RFX3: variants seen among roughly 807,000 people sequenced by gnomAD.
RFX3 encodes the protein regulatory factor X3.
In RFX3, 14 loss-of-function variants were observed where a neutral mutation model predicts 98.6. That is an observed-to-expected ratio of 0.14 (90% CI 0.09 to 0.22). The LOEUF (loss-of-function observed/expected upper bound fraction) is 0.22. Ranked by LOEUF, RFX3 falls within the 10% of genes least tolerant of loss-of-function variation. The pLI is 1.00. For missense variants in RFX3, 639 were observed against 926.9 expected, an observed-to-expected ratio of 0.69 and a Z score of 4.03; for synonymous variants, 383 against 328.4, an observed-to-expected ratio of 1.17 and a Z score of -1.80.
intron 14 of RFX3, among the ~76,000 whole-genome samples, chr9:3,255,465 T>G (rs781730411): frequency 7.2e-5 from 11 of 152,246 alleles, no homozygotes; most frequent in Non-Finnish European, 1.6e-4. Context: ...CACCACTTTC[T>G]GATATGTGCA....
At chr9:3,458,561 TA>T (rs370150734) in intron 1 of RFX3, among the ~76,000 whole-genome samples, 175 of 152,232 alleles carry the variant, frequency 1.1e-3, no homozygotes, top group African/African-American at 3.9e-3. Flanking sequence ...TTAAAGCAGA[TA>T]ATACACCTGT....
At chr9:3,498,774 C>CA (rs1485196030) in intron 1 of RFX3, among the ~76,000 whole-genome samples, 1 of 152,038 alleles carries the variant, frequency 6.6e-6, no homozygotes, top group African/African-American at 2.4e-5. Context: ...AAAACCATGA[C>CA]AACTGTTTGT....
chr9:3,515,106 T>C (rs1347656958), intron 1 of RFX3, among the ~76,000 whole-genome samples: 1 of 152,162 alleles, frequency 6.6e-6, no homozygotes, highest in African/African-American at 2.4e-5. Context: ...CAAAAACATA[T>C]ATCCACAAAA....
intron 1 of RFX3, among the ~76,000 whole-genome samples, chr9:3,467,121 T>TATATGTAAGTATATATGTATATACATA (rs1848331189): frequency 7.6e-6 from 1 of 130,744 alleles, no homozygotes; most frequent in African/African-American, 3.5e-5. Flanking sequence ...TATACATACA[T>TATATGTAAGTATATATGTATATACATA]ATATGTAAGT....
chr9:3,418,131 G>A (rs1736033668), intron 1 of RFX3, among the ~76,000 whole-genome samples: 1 of 152,124 alleles, frequency 6.6e-6, no homozygotes, highest in African/African-American at 2.4e-5. Flanking sequence ...TCATAATCTA[G>A]CTTTACCACA....
At chr9:3,360,010 G>T (rs1195790931) in intron 2 of RFX3, among the ~76,000 whole-genome samples, 1 of 151,980 alleles carries the variant, frequency 6.6e-6, no homozygotes, top group Non-Finnish European at 1.5e-5. Context: ...AACTATTCAG[G>T]TTAGCATTTC....
At chr9:3,272,372 T>C (rs879546429) in intron 9 of RFX3, among the ~76,000 whole-genome samples, 1 of 152,174 alleles carries the variant, frequency 6.6e-6, no homozygotes, top group Non-Finnish European at 1.5e-5. Flanking sequence ...CATAACTTCA[T>C]ATTTGTTGAG....
chr9:3,315,889 T>TA (rs1830522768), intron 4 of RFX3, among the ~76,000 whole-genome samples: 2 of 152,026 alleles, frequency 1.3e-5, no homozygotes, highest in South Asian at 4.1e-4. Context: ...ACTAATAGCC[T>TA]ACCAACCAAA....
intron 2 of RFX3, among the ~76,000 whole-genome samples, chr9:3,366,844 A>C (rs1035456578): frequency 6.6e-5 from 10 of 151,792 alleles, no homozygotes; most frequent in African/African-American, 2.4e-4. Context: ...TAAATGAATT[A>C]TTTATAATAA....
intron 1 of RFX3, among the ~76,000 whole-genome samples, chr9:3,422,203 C>T (rs907403866): frequency 4.6e-5 from 7 of 152,176 alleles, no homozygotes; most frequent in Admixed American, 3.3e-4. Flanking sequence ...TAGCAATGAA[C>T]ATTATCCCAC....
intron 2 of RFX3, among the ~76,000 whole-genome samples, chr9:3,349,288 T>A (rs934437365): frequency 1.2e-4 from 18 of 152,066 alleles, no homozygotes; most frequent in African/African-American, 4.1e-4. Flanking sequence ...AATATTTGAT[T>A]ATCAAATATT....
intron 4 of RFX3, among the ~76,000 whole-genome samples, chr9:3,312,522 G>C (rs1271625633): frequency 1.3e-5 from 2 of 151,178 alleles, no homozygotes; most frequent in African/African-American, 2.4e-5. Flanking sequence ...GCAATGTCAA[G>C]AAGTAGCTTA....
chr9:3,397,265 G>A (rs908996758), intron 1 of RFX3, among the ~76,000 whole-genome samples: 1 of 152,164 alleles, frequency 6.6e-6, no homozygotes, highest in Non-Finnish European at 1.5e-5. Context: ...TTGCTATTGA[G>A]CAAAGACCAG....
chr9:3,403,376 T>C (rs948546811), intron 1 of RFX3, among the ~76,000 whole-genome samples: 1 of 152,162 alleles, frequency 6.6e-6, no homozygotes, highest in East Asian at 1.9e-4. Flanking sequence ...TTAGGTTTGA[T>C]GTTGTAATCC....
At chr9:3,383,101 T>A (rs1327025784) in intron 2 of RFX3, among the ~76,000 whole-genome samples, 1 of 152,158 alleles carries the variant, frequency 6.6e-6, no homozygotes, top group Non-Finnish European at 1.5e-5. Context: ...ATACAAAATA[T>A]TCCTTTCCGC....
intron 1 of RFX3, among the ~76,000 whole-genome samples, chr9:3,465,138 C>T (rs1170574521): frequency 1.3e-5 from 2 of 152,118 alleles, no homozygotes; most frequent in African/African-American, 4.8e-5. Context: ...GGGGAACCTT[C>T]CCCAAACCCT....
chr9:3,341,287 G>A (rs1833859229), intron 3 of RFX3, among the ~76,000 whole-genome samples: 1 of 151,844 alleles, frequency 6.6e-6, no homozygotes, highest in South Asian at 2.1e-4. Context: ...ATAGCATTAG[G>A]AGATATACCT....
At chr9:3,406,151 C>T (rs746916019) in intron 1 of RFX3, among the ~76,000 whole-genome samples, 6 of 151,894 alleles carry the variant, frequency 4.0e-5, no homozygotes, top group South Asian at 4.2e-4. Context: ...TTTGTAGAGA[C>T]AGGGTTTCAC....
chr9:3,355,919 T>C (rs1163725182), intron 2 of RFX3, among the ~76,000 whole-genome samples: 7 of 152,000 alleles, frequency 4.6e-5, no homozygotes, highest in African/African-American at 1.7e-4. Flanking sequence ...ACGAACAATA[T>C]ACTTATTAAT....
Sources: allele counts gnomAD v4.1 joint callset (sites outside exome capture counted in the v4.1 genomes callset), GRCh38; gene constraint gnomAD v4.1.1; transcripts MANE v1.5; gene names NCBI Gene and HGNC (gene_info 2026-07-23, HGNC 2026-07-21).